The following ASTN2 variants were observed in gnomAD, a reference collection of about 807,000 sequenced individuals.
The protein encoded by ASTN2 is astrotactin-2.
A neutral mutation model predicts 139.8 loss-of-function variants in ASTN2; 54 were observed. The observed-to-expected ratio is 0.39, with a 90% CI of 0.31 to 0.48. The LOEUF (loss-of-function observed/expected upper bound fraction) is 0.48, where lower values mean the gene tolerates loss of function less well. ASTN2 is among the 20% of genes least tolerant of loss of function. ASTN2 has a pLI of 0.95. For synonymous variants in ASTN2, 756 were observed against 719.5 expected, an observed-to-expected ratio of 1.05 and a Z score of -0.81; for missense variants, 1,565 against 1,725.1, an observed-to-expected ratio of 0.91 and a Z score of 1.64.
At position 117,120,018 on chromosome 9, in the gene ASTN2, G is replaced by GTATATATATATA. The variant is rs200361826; in HGVS notation, c.1168+21296_1168+21307dup. Among the ~76,000 whole-genome samples, 146 of 45,948 alleles carry GTATATATATATA rather than the reference G, an allele frequency of 3.2e-3. 1 individual carries two copies. Among genetic ancestry groups the GTATATATATATA allele is most frequent in the Middle Eastern group, 0.04 (2 of 50 alleles). The allele number at this position is 45,948 out of a possible 152,430, so 30.1% of individuals were successfully genotyped here. ...TGTGTGTGTGTGTGTGTGTGTGTGT[G>GTATATATATATA]TATATATATATATATATATATATAT... On this transcript the variant is annotated intron_variant, in intron 4 of 22. Transcript: ENST00000313400.
chr9:117,360,019 ACT>A (rs1017660449), intron 1 of ASTN2, among the ~76,000 whole-genome samples: 1 of 152,138 alleles, frequency 6.6e-6, no homozygotes, highest in Admixed American at 6.5e-5. Context: ...GTTGGCTTTG[ACT>A]GGTTGCTAAA....
rs1831256473 is a variant in ASTN2, at chr9:117,188,193, ACAGAGAGAGAGAGAGAGAG to A, written c.1015+26146_1015+26164del. On this transcript the variant is annotated intron_variant, in intron 3 of 22. Coordinates refer to ENST00000313400, the MANE Select transcript of ASTN2 (RefSeq NM_001365068.1). The stretch of plus-strand genomic sequence containing the variant: ...GAGAGAGAGAGAGAGAGAGAGAGAG[ACAGAGAGAGAGAGAGAGAG>A]GAAATCACCCCCGATCCTGGTTGAA... Among the ~76,000 whole-genome samples, 3 of 66,488 alleles carry A rather than the reference ACAGAGAGAGAGAGAGAGAG, an allele frequency of 4.5e-5. No individual in the cohort carries two copies. The Admixed American group carries it at 4.8e-4, about 11-fold the overall frequency. 43.6% of individuals were successfully genotyped at this position (66,488 alleles called of 152,430 possible).
At chr9:116,914,547 T>TTTATTA (rs144153990) in intron 10 of ASTN2, among the ~76,000 whole-genome samples, 7,167 of 146,818 alleles carry the variant, frequency 0.049, 338 homozygotes, top group African/African-American at 0.12. Flanking sequence ...TGTAAAGTGT[T>TTTATTA]TTATTATTAT....
At chr9:117,220,126 C>T (rs988407565) in intron 2 of ASTN2, among the ~76,000 whole-genome samples, 2 of 152,196 alleles carry the variant, frequency 1.3e-5, no homozygotes, top group Non-Finnish European at 2.9e-5. Flanking sequence ...TCAACAAATA[C>T]TAGCATCATT....
At chr9:117,262,590 T>C (rs1051600121) in intron 2 of ASTN2, among the ~76,000 whole-genome samples, 1 of 152,032 alleles carries the variant, frequency 6.6e-6, no homozygotes, top group African/African-American at 2.4e-5. Flanking sequence ...AACTGGAGCA[T>C]TGCAGTGAAC....
intron 1 of ASTN2, among the ~76,000 whole-genome samples, chr9:117,297,566 G>A (rs1270636712): frequency 6.6e-6 from 1 of 152,216 alleles, no homozygotes; most frequent in Non-Finnish European, 1.5e-5. Context: ...GTTTAATGAA[G>A]GGAGCATTTA....
rs115448435 is a variant in ASTN2 at position 117,224,063 on chromosome 9, C to A, written c.631-9321G>T. 4.7e-3 allele frequency among the ~76,000 whole-genome samples: 722 copies of A among 152,274 alleles called. 4 individuals carry two copies. Among genetic ancestry groups the A allele is most frequent in the African/African-American group, 0.016 (677 of 41,548 alleles). On this transcript the variant is annotated intron_variant, in intron 2 of 22. Transcript: ENST00000313400. ...ATCAGATTAGAACAGGGTCAAAATC[C>A]TGGGAGAACATACTGAATTCTATAA...
At chr9:116,472,043 T>C (rs1848829104) in intron 20 of ASTN2, among the ~76,000 whole-genome samples, 1 of 152,130 alleles carries the variant, frequency 6.6e-6, no homozygotes, top group South Asian at 2.1e-4. Flanking sequence ...TCCAGATTCA[T>C]TCAGCCAGAC....
At chr9:116,959,073 C>T (rs978482206) in intron 10 of ASTN2, among the ~76,000 whole-genome samples, 3 of 152,000 alleles carry the variant, frequency 2.0e-5, no homozygotes, top group Admixed American at 6.6e-5. Context: ...AGATGGGGAT[C>T]GGCAGATATA....
At chr9:116,994,707 C>G (rs1836961353) in intron 7 of ASTN2, among the ~76,000 whole-genome samples, 1 of 152,114 alleles carries the variant, frequency 6.6e-6, no homozygotes, top group African/African-American at 2.4e-5. Flanking sequence ...CTGGATTGGA[C>G]AGTGGAGTTC....
intron 5 of ASTN2, among the ~76,000 whole-genome samples, chr9:117,070,709 CT>C (rs1168724592): frequency 6.8e-6 from 1 of 147,760 alleles, no homozygotes; most frequent in African/African-American, 2.5e-5. Context: ...TTGCTCATTT[CT>C]TTTTATTCTT....
chr9:117,128,890 G>A (rs993648262), intron 4 of ASTN2, among the ~76,000 whole-genome samples: 1 of 152,272 alleles, frequency 6.6e-6, no homozygotes, highest in East Asian at 1.9e-4. Flanking sequence ...ATGCAAAAGC[G>A]GAAACCCCTG....
At chr9:116,853,223 A>C (rs1420382199) in intron 11 of ASTN2, among the ~76,000 whole-genome samples, 1 of 152,156 alleles carries the variant, frequency 6.6e-6, no homozygotes, top group African/African-American at 2.4e-5. Flanking sequence ...TATACATTTC[A>C]ACACTGTACA....
chr9:117,339,971 CTG>C (rs1481233069), intron 1 of ASTN2, among the ~76,000 whole-genome samples: 5 of 150,954 alleles, frequency 3.3e-5, no homozygotes, highest in African/African-American at 1.2e-4. Context: ...TAGATGGGAA[CTG>C]AGGCCTGTTG....
intron 4 of ASTN2, among the ~76,000 whole-genome samples, chr9:117,105,964 AG>A (rs566500076): frequency 3.3e-4 from 50 of 152,318 alleles, no homozygotes; most frequent in African/African-American, 1.1e-3. Flanking sequence ...GCCTTGGTCA[AG>A]GTCCCATAGC....
intron 10 of ASTN2, among the ~76,000 whole-genome samples, chr9:116,937,022 G>T (rs925165845): frequency 2.6e-5 from 4 of 152,098 alleles, no homozygotes. Flanking sequence ...TTTTAATTTG[G>T]TTTAACTTTA....
chr9:117,208,237 A>G (rs1387107770), intron 3 of ASTN2, among the ~76,000 whole-genome samples: 3 of 152,190 alleles, frequency 2.0e-5, no homozygotes, highest in Non-Finnish European at 4.4e-5. Context: ...AAGAGAAGAA[A>G]GATAGTCAAT....
At chr9:117,119,394 C>G (rs920585639) in intron 4 of ASTN2, among the ~76,000 whole-genome samples, 9 of 152,114 alleles carry the variant, frequency 5.9e-5, no homozygotes, top group Admixed American at 5.2e-4. Flanking sequence ...GTGGGAATGC[C>G]CAAGCTTCCT....
At position 116,698,336 on chromosome 9, in the gene ASTN2, G is replaced by C. The variant is rs769607026; in HGVS notation, c.2806+27435C>G. The C allele has an allele frequency of 1.2e-6, 2 of 1,614,160 alleles. No homozygotes were observed. The highest frequency in any genetic ancestry group is 1.7e-6 in the Non-Finnish European group (2 of 1,180,052). Reference sequence around the variant, plus strand: ...ATGAGGAGCGCAGGGTCCAGGATGAGCTGGCTCGCTCTCGGAAGTTCTTCA... The same window carrying C: ...ATGAGGAGCGCAGGGTCCAGGATGACCTGGCTCGCTCTCGGAAGTTCTTCA... On this transcript the variant is annotated intron_variant, in intron 16 of 22. Transcript: ENST00000313400. This position sits in a 1 kb window ranked among gnomAD's most constrained non-coding sequence, Gnocchi z 4.4.
Sources: allele counts gnomAD v4.1 joint callset (sites outside exome capture counted in the v4.1 genomes callset), GRCh38; gene constraint gnomAD v4.1.1; non-coding constraint Gnocchi (gnomAD v3.1); transcripts MANE v1.5; gene names NCBI Gene and HGNC (gene_info 2026-07-23, HGNC 2026-07-21).